Variants in DNAH3 observed in about 807,000 individuals in gnomAD.
DNAH3 encodes the protein axonemal beta dynein heavy chain 3.
A neutral mutation model predicts 432.5 loss-of-function variants in DNAH3; 332 were observed. That is an observed-to-expected ratio of 0.77 (90% confidence interval 0.70 to 0.84). The LOEUF (loss-of-function observed/expected upper bound fraction) is 0.84. DNAH3 is among the 40% of genes least tolerant of loss of function. DNAH3 has a pLI of 0.00. For missense variants in DNAH3, 4,861 were observed against 5,114.0 expected (o/e 0.95, Z 1.51); for synonymous variants, 1,956 against 1,900.2 (o/e 1.03, Z -0.76).
At chr16:21,120,935 C>A in intron 10 of DNAH3, 1 of 1,033,042 alleles carries the variant, frequency 9.7e-7, no homozygotes, top group East Asian at 2.6e-5. Context: ...AGGAGAGCTG[C>A]CCAGTGTTTC....
intron 14 of DNAH3, among the ~76,000 whole-genome samples, chr16:21,110,114 A>G (rs2152803267): frequency 6.6e-6 from 1 of 152,218 alleles, no homozygotes; most frequent in East Asian, 1.9e-4. Flanking sequence ...CTAGGATAAC[A>G]TGGAATAACC....
chr16:21,117,976 G>A (rs550822772), intron 11 of DNAH3, among the ~76,000 whole-genome samples: 6 of 151,972 alleles, frequency 3.9e-5, no homozygotes, highest in East Asian at 1.9e-4. Flanking sequence ...TACTTCTCTC[G>A]TGGGTTTTTT....
exon 35 of DNAH3, chr16:21,036,745 G>C: frequency 1.2e-6 from 2 of 1,614,100 alleles, no homozygotes; most frequent in Non-Finnish European, 1.7e-6. Context: ...CCAAGGTACT[G>C]GCTGGAGTTT....
intron 18 of DNAH3, among the ~76,000 whole-genome samples, chr16:21,095,878 C>T (rs191799486): frequency 6.6e-6 from 1 of 152,236 alleles, no homozygotes; most frequent in Admixed American, 6.5e-5. Context: ...GATGCTCCTG[C>T]CTCAGCCTCC....
intron 50 of DNAH3, among the ~76,000 whole-genome samples, chr16:20,979,033 G>A (rs1000229495): frequency 6.6e-6 from 1 of 151,446 alleles, no homozygotes; most frequent in African/African-American, 2.4e-5. Context: ...CTCACCTTGA[G>A]GACAAAACTT....
chr16:20,995,940 T>G (rs2086745524), intron 44 of DNAH3, among the ~76,000 whole-genome samples: 1 of 152,248 alleles, frequency 6.6e-6, no homozygotes, highest in Non-Finnish European at 1.5e-5. Flanking sequence ...TCAGGTCCAT[T>G]CCTTCCCGCT....
intron 51 of DNAH3, among the ~76,000 whole-genome samples, chr16:20,974,326 C>T (rs2085476174): frequency 6.6e-6 from 1 of 152,110 alleles, no homozygotes. Context: ...GCATGAGCCA[C>T]TGCCCCTGGC....
chr16:21,073,128 G>T (rs1288767667), intron 21 of DNAH3, among the ~76,000 whole-genome samples: 1 of 152,146 alleles, frequency 6.6e-6, no homozygotes, highest in Non-Finnish European at 1.5e-5. Context: ...TTCTCGCTCT[G>T]TTCTCACTTC....
rs1596873215 is a variant in DNAH3, at chr16:20,941,508, GGAGA to G, written c.11543_11546del (p.Leu3848ProfsTer13). 6 of 1,614,164 alleles carry G rather than the reference GGAGA, an allele frequency of 3.7e-6. No individual in the cohort carries two copies. The highest frequency in any genetic ancestry group is 5.1e-6 in the Non-Finnish European group (6 of 1,180,018). ...CCAGGTCAAAGTCTCTGGGAAGCTT[GGAGA>G]GAATGTCTTGTGCCAACTCCTCAAC... On this transcript the variant is annotated frameshift_variant, in exon 59 of 62. Coordinates refer to ENST00000261383, the Ensembl canonical transcript of DNAH3. LOFTEE classifies it high-confidence loss of function.
intron 26 of DNAH3, among the ~76,000 whole-genome samples, chr16:21,060,030 C>T (rs1246461811): frequency 6.6e-6 from 1 of 152,160 alleles, no homozygotes; most frequent in African/African-American, 2.4e-5. Flanking sequence ...TCCGTGGCAA[C>T]CAGAGGGTTC....
intron 41 of DNAH3, among the ~76,000 whole-genome samples, chr16:21,011,233 T>C (rs1486733383): frequency 6.6e-6 from 1 of 152,054 alleles, no homozygotes; most frequent in African/African-American, 2.4e-5. Flanking sequence ...CATAAACAGA[T>C]TGATTTTGAA....
Position 21,159,267 on chromosome 16 carries a change from C to T in DNAH3, c.117+58G>A, listed in dbSNP as rs980658219. 7 of 1,430,112 alleles carry T rather than the reference C, an allele frequency of 4.9e-6. No homozygotes were observed. In the Admixed American group the frequency reaches 1.0e-4, roughly 21 times the overall value. The allele number at this position is 1,430,112 out of a possible 1,614,324, so 88.6% of individuals were successfully genotyped here. On this transcript the variant is annotated intron_variant, in intron 1 of 61. Coordinates refer to ENST00000261383, the Ensembl canonical transcript of DNAH3. The stretch of plus-strand genomic sequence containing the variant: ...AATTAATAACTAAGTACTCGACTCC[C>T]CTCTGAGTTCCCATTATTCAGTCTC...
intron 5 of DNAH3, among the ~76,000 whole-genome samples, chr16:21,139,882 T>C (rs368651103): frequency 6.8e-6 from 1 of 147,710 alleles, no homozygotes; most frequent in East Asian, 2.0e-4. Flanking sequence ...CAGGTTCAAG[T>C]GATTCTCCTG....
Position 20,984,205 on chromosome 16 carries a change from G to A in DNAH3, c.7665+872C>T, listed in dbSNP as rs185051104. 4.3e-3 allele frequency among the ~76,000 whole-genome samples: 646 copies of A among 151,268 alleles called. 4 individuals are homozygous for A. Among genetic ancestry groups the A allele is most frequent in the Non-Finnish European group, 7.2e-3 (488 of 67,876 alleles). On this transcript the variant is annotated intron_variant, in intron 48 of 61. Coordinates refer to ENST00000261383, the Ensembl canonical transcript of DNAH3. Reference sequence around the variant, plus strand: ...TATATGTGTGCACGTGTGCGCATGCGTGCGTGTGTGTGTGTGTGTATGCAT... The same window carrying A: ...TATATGTGTGCACGTGTGCGCATGCATGCGTGTGTGTGTGTGTGTATGCAT...
At chr16:21,059,355 C>T (rs781506632) in intron 26 of DNAH3, among the ~76,000 whole-genome samples, 7 of 152,156 alleles carry the variant, frequency 4.6e-5, no homozygotes, top group Non-Finnish European at 7.4e-5. Flanking sequence ...GGAAAAGGGA[C>T]TGGTCTTTCA....
At chr16:21,006,589 ACTTT>A (rs1451958867) in intron 41 of DNAH3, among the ~76,000 whole-genome samples, 1 of 152,082 alleles carries the variant, frequency 6.6e-6, no homozygotes, top group African/African-American at 2.4e-5. Context: ...CCTCTAATCT[ACTTT>A]CTGTCTCTAT....
chr16:20,993,261 C>T (rs927015529), intron 44 of DNAH3, among the ~76,000 whole-genome samples: 3 of 152,130 alleles, frequency 2.0e-5, no homozygotes, highest in Non-Finnish European at 2.9e-5. Flanking sequence ...GAAAATTCTA[C>T]GTTTTCAACT....
intron 59 of DNAH3, 122 bp downstream of exon 59, chr16:20,941,267 GCCCCTATTCACA>G: frequency 1.0e-6 from 1 of 977,250 alleles, no homozygotes; most frequent in Non-Finnish European, 1.5e-6. Flanking sequence ...CCTATTCACA[GCCCCTATTCACA>G]CCCCTAATAC....
chr16:21,093,781 G>C (rs1320989617), intron 18 of DNAH3, among the ~76,000 whole-genome samples: 1 of 152,126 alleles, frequency 6.6e-6, no homozygotes, highest in Non-Finnish European at 1.5e-5. Flanking sequence ...CGAAGATATG[G>C]ACAACTGATT....
Sources: gnomAD v4.1 joint callset for allele counts (sites outside exome capture counted in the v4.1 genomes callset) on GRCh38, gnomAD v4.1.1 for gene constraint, MANE v1.5 for transcripts, NCBI Gene and HGNC (gene_info 2026-07-23, HGNC 2026-07-21) for gene names.